Variants in DPP6 observed in about 807,000 individuals in gnomAD.
DPP6 encodes the protein A-type potassium channel modulatory protein DPP6.
In DPP6, 69 loss-of-function variants were observed where a neutral mutation model predicts 122.6. That is an observed-to-expected ratio of 0.56 (90% CI 0.46 to 0.69). DPP6 has a LOEUF of 0.69. DPP6 is among the 30% of genes least tolerant of loss of function. The probability of loss-of-function intolerance (pLI) is 0.00; values close to 1 mark genes in which losing one functional copy is unlikely to be tolerated. For missense variants in DPP6, 928 were observed against 1,116.9 expected, an observed-to-expected ratio of 0.83 and a Z score of 2.41; for synonymous variants, 418 against 433.1, an observed-to-expected ratio of 0.97 and a Z score of 0.43.
intron 7 of DPP6, among the ~76,000 whole-genome samples, chr7:154,712,278 C>G (rs1841235996): frequency 2.0e-5 from 3 of 152,180 alleles, no homozygotes; most frequent in Admixed American, 6.5e-5. Context: ...ACAATGAAAA[C>G]TGATTATCTT....
intron 7 of DPP6, among the ~76,000 whole-genome samples, chr7:154,713,727 C>T (rs939848166): frequency 6.6e-6 from 1 of 152,152 alleles, no homozygotes; most frequent in Admixed American, 6.5e-5. Context: ...CTATTTTTCC[C>T]TCCTAGGTCT....
intron 1 of DPP6, among the ~76,000 whole-genome samples, chr7:154,298,238 C>T (rs1805667783): frequency 6.7e-6 from 1 of 150,372 alleles, no homozygotes; most frequent in Non-Finnish European, 1.5e-5. Context: ...CCCCACAATC[C>T]ACCATCCTTA....
intron 1 of DPP6, among the ~76,000 whole-genome samples, chr7:154,368,051 C>T (rs1179645779): frequency 6.6e-6 from 1 of 152,146 alleles, no homozygotes; most frequent in Non-Finnish European, 1.5e-5. Flanking sequence ...TGTGATTCAC[C>T]TGCCTCGGCT....
chr7:154,454,927 TTGTC>T (rs1820696274), intron 2 of DPP6, among the ~76,000 whole-genome samples: 1 of 152,300 alleles, frequency 6.6e-6, no homozygotes, highest in East Asian at 1.9e-4. Flanking sequence ...CAAAATATTT[TTGTC>T]TGTGAGTAAC....
chr7:153,765,679 G>C, the DPP6 span, among the ~76,000 whole-genome samples: 1 of 152,224 alleles, frequency 6.6e-6, no homozygotes, highest in East Asian at 1.9e-4. Context: ...ATTCACGGCA[G>C]AGTTGAGGTT....
chr7:153,802,655 T>C, the DPP6 span, among the ~76,000 whole-genome samples: 1 of 152,190 alleles, frequency 6.6e-6, no homozygotes, highest in African/African-American at 2.4e-5. Context: ...CTGCCTCCAA[T>C]TCCCTTGCCT....
chr7:154,256,672 T>C (rs1412721872), intron 1 of DPP6, among the ~76,000 whole-genome samples: 4 of 152,216 alleles, frequency 2.6e-5, no homozygotes, highest in Non-Finnish European at 5.9e-5. Flanking sequence ...GCAGCTGTGA[T>C]GCTCCTACAC....
At chr7:154,349,641 T>C (rs979787959) in intron 1 of DPP6, among the ~76,000 whole-genome samples, 2 of 152,234 alleles carry the variant, frequency 1.3e-5, no homozygotes, top group East Asian at 3.8e-4. Context: ...CTGGAGATTG[T>C]TGTGAATTAT....
At chr7:154,134,489 C>T (rs1302487738) in intron 1 of DPP6, among the ~76,000 whole-genome samples, 6 of 152,150 alleles carry the variant, frequency 3.9e-5, no homozygotes, top group African/African-American at 1.4e-4. Context: ...CCTGTAGGGT[C>T]TTCCACATGG....
chr7:154,061,645 G>T (rs1301016081), intron 1 of DPP6, among the ~76,000 whole-genome samples: 1 of 142,126 alleles, frequency 7.0e-6, no homozygotes, highest in African/African-American at 2.6e-5. Flanking sequence ...CTGCGAGGCG[G>T]GGACTCAGAG....
chr7:154,887,148 C>T (rs372307669), intron 22 of DPP6, among the ~76,000 whole-genome samples: 1 of 152,138 alleles, frequency 6.6e-6, no homozygotes, highest in Non-Finnish European at 1.5e-5. Context: ...TCCTGGGCGC[C>T]CTCAGGCTTA....
chr7:154,545,454 TCCTCCCTCCCTC>T (rs201544578), intron 4 of DPP6, among the ~76,000 whole-genome samples: 2 of 146,134 alleles, frequency 1.4e-5, no homozygotes, highest in African/African-American at 5.1e-5. Context: ...CATCCTTCAC[TCCTCCCTCCCTC>T]CCTCCCTTCC....
chr7:154,323,082 G>T (rs1585936761), intron 1 of DPP6, among the ~76,000 whole-genome samples: 1 of 151,972 alleles, frequency 6.6e-6, no homozygotes. Context: ...AAAATAAATG[G>T]AATAATAAAG....
At chr7:154,828,649 A>G (rs920843152) in intron 16 of DPP6, among the ~76,000 whole-genome samples, 8 of 152,220 alleles carry the variant, frequency 5.3e-5, no homozygotes, top group Non-Finnish European at 1.5e-5. Flanking sequence ...AGTAATCGGT[A>G]TATTTATTTC....
intron 1 of DPP6, among the ~76,000 whole-genome samples, chr7:154,177,201 A>T (rs577376097): frequency 1.3e-3 from 195 of 152,330 alleles, no homozygotes; most frequent in Admixed American, 5.4e-3. Context: ...TACACAAGAA[A>T]TATAGGCAGG....
intron 1 of DPP6, among the ~76,000 whole-genome samples, chr7:154,247,025 A>G (rs1258403765): frequency 6.6e-6 from 1 of 152,218 alleles, no homozygotes; most frequent in African/African-American, 2.4e-5. Context: ...AAAATGAATC[A>G]TCAAGGGCCA....
intron 7 of DPP6, among the ~76,000 whole-genome samples, chr7:154,706,843 C>T (rs1840856771): frequency 6.6e-6 from 1 of 152,126 alleles, no homozygotes; most frequent in African/African-American, 2.4e-5. Context: ...GGGTGGGTGA[C>T]TCTGAAAAGG....
At chr7:153,906,455 A>G (rs1224103222) in intron 1 of DPP6, among the ~76,000 whole-genome samples, 1 of 152,096 alleles carries the variant, frequency 6.6e-6, no homozygotes. Flanking sequence ...GTGGCTTTTA[A>G]GTTTTTAATT....
chr7:154,008,728 C>T (rs1334882225), intron 1 of DPP6, among the ~76,000 whole-genome samples: 3 of 141,544 alleles, frequency 2.1e-5, no homozygotes, highest in South Asian at 2.2e-4. Context: ...GTGGCGCGAT[C>T]TCGGCTCACT....
Sources: gnomAD v4.1 joint callset for allele counts (sites outside exome capture counted in the v4.1 genomes callset) on GRCh38, gnomAD v4.1.1 for gene constraint, MANE v1.5 for transcripts, NCBI Gene and HGNC (gene_info 2026-07-23, HGNC 2026-07-21) for gene names.